The following TENM3 variants were observed in gnomAD, a reference collection of about 807,000 sequenced individuals.
The protein encoded by TENM3 is teneurin transmembrane protein 3, also known as teneurin-3.
In TENM3, 63 loss-of-function variants were observed where a neutral mutation model predicts 255.1. The observed-to-expected ratio is 0.25, with a 90% CI of 0.20 to 0.30. The LOEUF (loss-of-function observed/expected upper bound fraction) is 0.30. TENM3 is among the 10% of genes least tolerant of loss of function. The pLI, the probability that TENM3 is intolerant of heterozygous loss-of-function variation, is 1.00. For missense variants in TENM3, 2,929 were observed against 3,461.1 expected (o/e 0.85, Z 3.86); for synonymous variants, 1,306 against 1,322.3 (o/e 0.99, Z 0.27).
intron 1 of TENM3, among the ~76,000 whole-genome samples, chr4:182,185,033 A>G (rs1753063440): frequency 6.6e-6 from 1 of 152,048 alleles, no homozygotes; most frequent in Admixed American, 6.6e-5. Flanking sequence ...CAGTGAGCCG[A>G]GACTGCGCTA....
At chr4:181,802,080 C>T in the TENM3 span, among the ~76,000 whole-genome samples, 11 of 152,154 alleles carry the variant, frequency 7.2e-5, no homozygotes, top group Non-Finnish European at 1.5e-4. Flanking sequence ...ACCAGGATGG[C>T]CGGTTCTTGC....
chr4:182,239,075 AT>A (rs1417096051), upstream of TENM3, among the ~76,000 whole-genome samples: 264 of 72,014 alleles, frequency 3.7e-3, no homozygotes, highest in Middle Eastern at 7.2e-3. Context: ...GTGTGTGTGT[AT>A]TTTTTTTTTT....
chr4:182,250,240 G>C (rs1441396532), intron 1 of TENM3, among the ~76,000 whole-genome samples: 1 of 151,740 alleles, frequency 6.6e-6, no homozygotes, highest in Non-Finnish European at 1.5e-5. Flanking sequence ...TTTTAGTAGA[G>C]ACGGGGTTTC....
At chr4:181,893,495 C>CCCG in the TENM3 span, among the ~76,000 whole-genome samples, 1 of 100,816 alleles carries the variant, frequency 9.9e-6, no homozygotes, top group African/African-American at 3.6e-5. Flanking sequence ...CTGCCCACCC[C>CCCG]CCCCCCACCC....
chr4:181,605,101 C>T, the TENM3 span, among the ~76,000 whole-genome samples: 2 of 152,022 alleles, frequency 1.3e-5, no homozygotes, highest in Non-Finnish European at 2.9e-5. Flanking sequence ...TGTTATGTAA[C>T]CCTATTAGCT....
At chr4:182,460,681 C>T (rs991519856) in intron 3 of TENM3, among the ~76,000 whole-genome samples, 7 of 152,160 alleles carry the variant, frequency 4.6e-5, no homozygotes. Context: ...TAACACACAA[C>T]AGCTACTTCT....
the TENM3 span, among the ~76,000 whole-genome samples, chr4:182,102,122 G>A: frequency 3.9e-5 from 6 of 152,338 alleles, no homozygotes; most frequent in East Asian, 1.9e-4. Context: ...GCTACAACCC[G>A]GTGGGACACT....
At chr4:181,722,806 AG>A in the TENM3 span, among the ~76,000 whole-genome samples, 1 of 152,102 alleles carries the variant, frequency 6.6e-6, no homozygotes, top group Non-Finnish European at 1.5e-5. Context: ...ATTCCTCAAA[AG>A]TATGATTTTT....
At chr4:182,346,528 C>T in intron 2 of TENM3, 123 bp from the exon 3 acceptor site, 2 of 923,886 alleles carry the variant, frequency 2.2e-6, no homozygotes, top group East Asian at 2.6e-5. Context: ...TGGTGCTGAT[C>T]GCTGAAAAGC....
chr4:182,419,080 T>C (rs560234136), intron 3 of TENM3, among the ~76,000 whole-genome samples: 8 of 152,248 alleles, frequency 5.3e-5, no homozygotes, highest in Non-Finnish European at 1.2e-4. Context: ...TGAAATTATT[T>C]AAGATCTTTA....
Position 182,411,760 on chromosome 4 carries a change from T to C in TENM3, c.511+64831T>C, listed in dbSNP as rs934759835. 4.6e-5 allele frequency among the ~76,000 whole-genome samples: 7 copies of C among 152,350 alleles called. No homozygotes were observed. The East Asian group carries it at 7.7e-4, about 17-fold the overall frequency. ...CAGGTTGCCATTGAGGTGAGGAAGA[T>C]AGTGAATACTTCCTGTAAAGAGGGC... On this transcript the variant is annotated intron_variant, in intron 3 of 27. Transcript: ENST00000511685.
At chr4:182,672,463 T>C (rs1755300943) in intron 6 of TENM3, among the ~76,000 whole-genome samples, 1 of 152,170 alleles carries the variant, frequency 6.6e-6, no homozygotes, top group Non-Finnish European at 1.5e-5. Context: ...CAAGTACCCC[T>C]TCTCTATCTC....
chr4:181,471,130 T>C, the TENM3 span, among the ~76,000 whole-genome samples: 4 of 152,268 alleles, frequency 2.6e-5, no homozygotes, highest in South Asian at 6.2e-4. Context: ...ATCTTCCACA[T>C]TGTTAATTTT....
intron 1 of TENM3, among the ~76,000 whole-genome samples, chr4:182,319,353 A>G (rs1762916788): frequency 6.6e-6 from 1 of 152,218 alleles, no homozygotes; most frequent in South Asian, 2.1e-4. Context: ...TTGAAGTCAT[A>G]TTGAACTCAC....
chr4:181,449,410 G>A, the TENM3 span, among the ~76,000 whole-genome samples: 173 of 152,282 alleles, frequency 1.1e-3, 2 homozygotes, highest in African/African-American at 4.1e-3. Flanking sequence ...TTTCAAAAAG[G>A]AAGGGGGAGA....
chr4:182,213,359 C>T (rs1470611381), intron 1 of TENM3, among the ~76,000 whole-genome samples: 1 of 152,170 alleles, frequency 6.6e-6, no homozygotes, highest in East Asian at 1.9e-4. Context: ...CCCACTAATA[C>T]GTTGCATAGT....
At chr4:181,863,080 T>C in the TENM3 span, among the ~76,000 whole-genome samples, 47 of 152,070 alleles carry the variant, frequency 3.1e-4, no homozygotes, top group Non-Finnish European at 5.6e-4. Context: ...GGCTGATTTA[T>C]ATACATTCTT....
At position 182,793,865 on chromosome 4, in the gene TENM3, A is replaced by G. The variant is rs1467336142; in HGVS notation, c.7193A>G (p.Asp2398Gly). ...AACAACCCTGCAAGCAAAATCCATG[A>G]CGTGAAAGATTACATCACAGGTAAG... ...RNNNPASKIH[D>G]VKDYITDVNS... Residue 2398 changes from aspartate to glycine, a missense_variant, in exon 26 of 28, where the codon GAC becomes GGC. By Grantham distance (94) the Asp-to-Gly change is moderately conservative. Around this residue, in one of 6 missense-constraint regions of TENM3, gnomAD observed 476 missense variants for 480.1 expected, o/e 0.99. Coordinates refer to ENST00000511685, the MANE Select transcript of TENM3 (RefSeq NM_001080477.4). This position sits in a 1 kb window ranked among gnomAD's most constrained non-coding sequence, Gnocchi z 5.7. 1.9e-6 allele frequency: 3 copies of G among 1,609,176 alleles called. No individual in the cohort carries two copies. Among genetic ancestry groups the G allele is most frequent in the Admixed American group, 1.7e-5 (1 of 59,562 alleles).
rs111341322 is a variant in TENM3, at chr4:182,250,865, G to A, written c.-76+7389G>A. 1.2e-3 allele frequency among the ~76,000 whole-genome samples: 189 copies of A among 152,314 alleles called. 1 individual carries two copies. Among genetic ancestry groups the A allele is most frequent in the Non-Finnish European group, 4.1e-4 (28 of 68,038 alleles). ...CAATGGTGAATTGATAAGGTCTCCCGCACCAACTGTCACCTGATTCCAGCT... is the reference window on the plus strand; with the variant it reads ...CAATGGTGAATTGATAAGGTCTCCCACACCAACTGTCACCTGATTCCAGCT... On this transcript the variant is annotated intron_variant, in intron 1 of 27. Coordinates refer to ENST00000511685, the MANE Select transcript of TENM3 (RefSeq NM_001080477.4).
Sources: allele counts gnomAD v4.1 joint callset (sites outside exome capture counted in the v4.1 genomes callset), GRCh38; gene constraint gnomAD v4.1.1; regional missense constraint gnomAD v4.1.1; non-coding constraint Gnocchi (gnomAD v3.1); transcripts MANE v1.5; gene names NCBI Gene and HGNC (gene_info 2026-07-23, HGNC 2026-07-21).